The following CORO2A variants were observed in gnomAD, a reference collection of about 807,000 sequenced individuals.
CORO2A encodes the protein coronin 2A, also known as coronin-2A.
A neutral mutation model predicts 62.4 loss-of-function variants in CORO2A; 47 were observed. That is an observed-to-expected ratio of 0.75 (90% CI 0.60 to 0.96). The LOEUF (loss-of-function observed/expected upper bound fraction) is 0.96, where lower values mean the gene tolerates loss of function less well. Among genes scored for constraint, CORO2A ranks in the 40% least tolerant of loss-of-function variants. The pLI is 0.00. For missense variants in CORO2A, 610 were observed against 684.1 expected (o/e 0.89, Z 1.21); for synonymous variants, 273 against 268.9 (o/e 1.02, Z -0.15).
At chr9:98,180,297 C>T (rs1196177885) in intron 1 of CORO2A, among the ~76,000 whole-genome samples, 2 of 152,076 alleles carry the variant, frequency 1.3e-5, no homozygotes, top group African/African-American at 4.8e-5. Context: ...GCCAGTAATG[C>T]CCTATCCACC....
chr9:98,155,051 G>A (rs781383093), intron 2 of CORO2A, among the ~76,000 whole-genome samples: 5 of 152,242 alleles, frequency 3.3e-5, no homozygotes, highest in East Asian at 3.9e-4. Flanking sequence ...GTGTCTGATC[G>A]TTTACACAAC....
chr9:98,125,181 T>C (rs1445516033), intron 11 of CORO2A, among the ~76,000 whole-genome samples: 1 of 152,238 alleles, frequency 6.6e-6, no homozygotes. Context: ...AGTCTGGGGA[T>C]TGGTGTTTTC....
chr9:98,128,817 A>T, intron 8 of CORO2A, 98 bp from the exon 9 acceptor site: 1 of 897,712 alleles, frequency 1.1e-6, no homozygotes, highest in Non-Finnish European at 1.8e-6. Flanking sequence ...AACAGAGACC[A>T]GTCTCCTCCC....
chr9:98,191,104 G>A (rs1295833094), intron 1 of CORO2A, among the ~76,000 whole-genome samples: 2 of 152,214 alleles, frequency 1.3e-5, no homozygotes, highest in East Asian at 1.9e-4. Context: ...AGGTCATGAA[G>A]GGGACAAGAA....
chr9:98,175,350 A>G (rs1179325326), intron 1 of CORO2A, among the ~76,000 whole-genome samples: 1 of 152,002 alleles, frequency 6.6e-6, no homozygotes, highest in Non-Finnish European at 1.5e-5. Context: ...TCTTCCCACC[A>G]ACCTCCCTCC....
In CORO2A at chr9:98,121,824, T is replaced by C. The variant is rs1192357422; in HGVS notation, c.*2950A>G. 1 of 152,268 alleles carries C rather than the reference T, an allele frequency of 6.6e-6. No homozygotes were observed. The highest frequency in any genetic ancestry group is 1.5e-5 in the Non-Finnish European group (1 of 68,110). 9.4% of individuals were successfully genotyped at this position (152,268 alleles called of 1,614,324 possible). Reference sequence around the variant, plus strand: ...GAGGAATTTGTAAACTGTGAAGTGCTAGCCACACAGGTGGGAAAGGTAAGC... The same window carrying C: ...GAGGAATTTGTAAACTGTGAAGTGCCAGCCACACAGGTGGGAAAGGTAAGC... On this transcript the variant is annotated 3_prime_UTR_variant, in exon 12 of 12. Transcript: ENST00000375077.
chr9:98,157,749 G>C lies in CORO2A; in HGVS notation c.1-89C>G, dbSNP rs1180317789. The stretch of plus-strand genomic sequence containing the variant: ...CTCTCATCTTAAGAGTACATAAGAG[G>C]GTACGAGCAGGACAGTGGTCAGTTC... On this transcript the variant is annotated intron_variant, in intron 1 of 11. Coordinates refer to ENST00000375077, the MANE Select transcript of CORO2A (RefSeq NM_052820.4). 4 of 1,244,542 alleles carry C rather than the reference G, an allele frequency of 3.2e-6. No homozygotes were observed. In the African/African-American group the frequency reaches 4.5e-5, roughly 14 times the overall value. 77.1% of individuals were successfully genotyped at this position (1,244,542 alleles called of 1,614,324 possible).
intron 1 of CORO2A, among the ~76,000 whole-genome samples, chr9:98,173,172 T>C (rs1260537968): frequency 6.6e-6 from 1 of 152,208 alleles, no homozygotes; most frequent in Non-Finnish European, 1.5e-5. Context: ...CTCCGATTGT[T>C]GGGCCCCACC....
At chr9:98,162,103 C>A (rs1827894343) in intron 1 of CORO2A, among the ~76,000 whole-genome samples, 1 of 152,208 alleles carries the variant, frequency 6.6e-6, no homozygotes, top group African/African-American at 2.4e-5. Context: ...CTACCTTGCT[C>A]CCCCGTTCAG....
rs1827264187 is a variant in CORO2A, at chr9:98,123,056, T to C, written c.*1718A>G. On this transcript the variant is annotated 3_prime_UTR_variant, in exon 12 of 12. Coordinates refer to ENST00000375077, the MANE Select transcript of CORO2A (RefSeq NM_052820.4). ...GGTCAAGGTTTCAGGTGGCAGATCC[T>C]GCAGAGAGCAGCTTGTTCCAGGGTA... 2 of 152,284 alleles carry C rather than the reference T, an allele frequency of 1.3e-5. No homozygotes were observed. The highest frequency in any genetic ancestry group is 1.3e-4 in the Admixed American group (2 of 15,278). The allele number at this position is 152,284 out of a possible 1,614,324, so 9.4% of individuals were successfully genotyped here.
At position 98,128,600 on chromosome 9, in the gene CORO2A, C is replaced by A. The variant is rs373619389; in HGVS notation, c.1080+7G>T. On this transcript the variant is annotated splice_region_variant and intron_variant, in intron 9 of 11. Coordinates refer to ENST00000375077, the MANE Select transcript of CORO2A (RefSeq NM_052820.4). ...CCTGCCTCCCATGCGGTCCCGACTG[C>A]CCTTACCCGCCGGGGCACAATCATG... 1.2e-6 allele frequency: 2 copies of A among 1,612,782 alleles called. No individual in the cohort carries two copies. Among genetic ancestry groups the A allele is most frequent in the Admixed American group, 3.3e-5 (2 of 59,996 alleles).
chr9:98,171,759 G>A (rs1259651702), intron 1 of CORO2A, among the ~76,000 whole-genome samples: 2 of 151,990 alleles, frequency 1.3e-5, no homozygotes, highest in African/African-American at 4.8e-5. Context: ...CTTGCAGCGC[G>A]GGGGTGGGGA....
intron 1 of CORO2A, among the ~76,000 whole-genome samples, chr9:98,180,118 G>A (rs772446815): frequency 4.6e-5 from 7 of 152,092 alleles, no homozygotes; most frequent in Admixed American, 6.5e-5. Flanking sequence ...GTGCTAAAAC[G>A]CTCCTCCCTG....
intron 1 of CORO2A, among the ~76,000 whole-genome samples, chr9:98,178,705 C>T (rs74817719): frequency 0.09 from 13,696 of 152,236 alleles, 900 homozygotes; most frequent in East Asian, 0.2. Flanking sequence ...AGTGTGTCTC[C>T]ACCTGGCAAA....
At chr9:98,141,924 G>C (rs1195650805) in intron 2 of CORO2A, among the ~76,000 whole-genome samples, 1 of 150,506 alleles carries the variant, frequency 6.6e-6, no homozygotes, top group Admixed American at 6.6e-5. Flanking sequence ...ATGTATATTT[G>C]TATGTCAAAA....
intron 1 of CORO2A, among the ~76,000 whole-genome samples, chr9:98,185,510 T>G (rs1471432171): frequency 6.6e-6 from 1 of 152,228 alleles, no homozygotes; most frequent in East Asian, 1.9e-4. Context: ...CATCCCTTGT[T>G]GTCCGCAATC....
chr9:98,146,336 C>T (rs1375360957), intron 2 of CORO2A, among the ~76,000 whole-genome samples: 2 of 152,178 alleles, frequency 1.3e-5, no homozygotes, highest in East Asian at 1.9e-4. Flanking sequence ...TCCCTGGTTG[C>T]CAAGGCTGCA....
intron 2 of CORO2A, among the ~76,000 whole-genome samples, chr9:98,140,106 G>A (rs955888096): frequency 6.6e-6 from 1 of 152,104 alleles, no homozygotes; most frequent in African/African-American, 2.4e-5. Context: ...CCAGGACCCA[G>A]GCCCTCGACC....
At position 98,132,203 on chromosome 9, in the gene CORO2A, C is replaced by A; in HGVS notation, c.747G>T (p.Gln249His). ...CCCTCACCTGGTCCCACAAGGCCACCTGCCGGTTGTTCCATCGGGATGTGC... is the reference window on the plus strand; with the variant it reads ...CCCTCACCTGGTCCCACAAGGCCACATGCCGGTTGTTCCATCGGGATGTGC... The part of the protein sequence containing the change: ...STGTSRWNNR[Q>H]VALWDQDNLS... Residue 249 changes from glutamine to histidine, a missense_variant, in exon 6 of 12, where the codon CAG (glutamine) becomes CAT (histidine). Physicochemically the swap from Gln to His is conservative, Grantham distance 24. Transcript: ENST00000375077. 1 of 1,614,158 alleles carries A rather than the reference C, an allele frequency of 6.2e-7. No homozygotes were observed. Among genetic ancestry groups the A allele is most frequent in the Non-Finnish European group, 8.5e-7 (1 of 1,179,998 alleles).
Sources: gnomAD v4.1 joint callset for allele counts (sites outside exome capture counted in the v4.1 genomes callset) on GRCh38, gnomAD v4.1.1 for gene constraint, MANE v1.5 for transcripts, NCBI Gene and HGNC (gene_info 2026-07-23, HGNC 2026-07-21) for gene names.